Variants in LETM2 observed in about 807,000 individuals in gnomAD.
LETM2 encodes leucine zipper and EF-hand containing transmembrane protein 2, also known as LETM1 domain-containing protein LETM2, mitochondrial.
A neutral mutation model predicts 59.6 loss-of-function variants in LETM2; 58 were observed. The ratio of observed to expected loss-of-function variants is 0.97; its 90% CI spans 0.79 to 1.21. LETM2 has a LOEUF of 1.21. Among genes scored for constraint, LETM2 ranks in the 50% most tolerant of loss-of-function variants. The pLI is 0.00. For missense variants in LETM2, 572 were observed against 575.7 expected, an observed-to-expected ratio of 0.99 and a Z score of 0.07; for synonymous variants, 199 against 214.1, an observed-to-expected ratio of 0.93 and a Z score of 0.62.
At chr8:38,389,075 A>C (rs1037373116) in intron 2 of LETM2, among the ~76,000 whole-genome samples, 2 of 151,092 alleles carry the variant, frequency 1.3e-5, no homozygotes, top group African/African-American at 4.9e-5. Flanking sequence ...CAGAAGATGT[A>C]CTGGTTTTAG....
Position 38,400,420 on chromosome 8 carries a change from T to C in LETM2, c.783+11T>C. The C allele has an allele frequency of 6.4e-7, 1 of 1,558,190 alleles. No homozygotes were observed. The highest frequency in any genetic ancestry group is 8.7e-7 in the Non-Finnish European group (1 of 1,155,266). On this transcript the variant is annotated intron_variant, in intron 5 of 10. Transcript: ENST00000379957. ...TCCTACGTGAAGCAGGTGTCCATCTTTTATGTAATGCCGAACAACTTCGGG... is the reference window on the plus strand; with the variant it reads ...TCCTACGTGAAGCAGGTGTCCATCTCTTATGTAATGCCGAACAACTTCGGG...
rs1189482094 is a variant in LETM2, at chr8:38,386,549, C to G, written c.-54C>G. The G allele has an allele frequency of 1.3e-5, 2 of 152,212 alleles. No individual in the cohort carries two copies. The highest frequency in any genetic ancestry group is 2.9e-5 in the Non-Finnish European group (2 of 68,080). The allele number at this position is 152,212 out of a possible 1,614,324, so 9.4% of individuals were successfully genotyped here. A position where few individuals can be genotyped will look rare whatever the true frequency, so the allele number is the denominator to read the frequency against. On this transcript the variant is annotated 5_prime_UTR_variant, in exon 1 of 11. Transcript: ENST00000379957. ...GCTGGGAGGACCTAGGCGGCCGTTC[C>G]GCGGAGCCCGGCCGAGGAGGTAGGG...
At chr8:38,400,633 G>A (rs1186346839) in intron 5 of LETM2, 1 of 659,560 alleles carries the variant, frequency 1.5e-6, no homozygotes, top group African/African-American at 1.8e-5. Context: ...ATAACTTCTT[G>A]GAGAGAACAG....
chr8:38,397,263 G>A (rs890188189), intron 4 of LETM2: 3 of 399,820 alleles, frequency 7.5e-6, no homozygotes, highest in South Asian at 1.8e-5. Context: ...TGCAACCTCC[G>A]CCTCCCGGAT....
At chr8:38,393,173 T>C in intron 3 of LETM2, 178 bp downstream of exon 3, 3 of 588,964 alleles carry the variant, frequency 5.1e-6, no homozygotes, top group Non-Finnish European at 8.8e-6. Flanking sequence ...TAGTCAGTAT[T>C]CTGAAATTTG....
intron 4 of LETM2, among the ~76,000 whole-genome samples, chr8:38,398,538 T>C (rs1225568104): frequency 6.6e-6 from 1 of 152,156 alleles, no homozygotes; most frequent in Non-Finnish European, 1.5e-5. Flanking sequence ...TGAGGAATTG[T>C]GGGATTATCA....
rs1563403497 is a variant in LETM2, at chr8:38,408,509, C to A, written c.*235C>A. 2.3e-6 allele frequency: 1 copy of A among 433,884 alleles called. No individual in the cohort carries two copies. The highest frequency in any genetic ancestry group is 4.2e-6 in the Non-Finnish European group (1 of 237,182). The allele number at this position is 433,884 out of a possible 1,614,324, so 26.9% of individuals were successfully genotyped here. ...TCCCATTTCCTCTGTACCATTGTCA[C>A]CCCACTCAACTTTGTATAAAGCCCA... On this transcript the variant is annotated 3_prime_UTR_variant, in exon 11 of 11. Coordinates refer to ENST00000379957, the MANE Select transcript of LETM2 (RefSeq NM_001286819.2).
In LETM2 at chr8:38,400,250, CTT is replaced by C. The variant is rs751692770; in HGVS notation, c.646-19_646-18del. On this transcript the variant is annotated intron_variant, in intron 4 of 10. Transcript: ENST00000379957. ...TTTACAATCACGAAGGATTGAGTAA[CTT>C]TTATTCTTCTACCATTAAGGAAGAA... The C allele has an allele frequency of 8.2e-6, 13 of 1,588,716 alleles. No homozygotes were observed. In the South Asian group the frequency reaches 1.3e-4, roughly 15 times the overall value.
At position 38,400,879 on chromosome 8, in the gene LETM2, A is replaced by T. The variant is rs1406933465; in HGVS notation, c.810A>T (p.Thr270=). Reference sequence around the variant, plus strand: ...TCCAGACAGGCCACAAGCCCAGCACAAAGGAGATAGTTCGCTTCTCCAAAC... The same window carrying T: ...TCCAGACAGGCCACAAGCCCAGCACTAAGGAGATAGTTCGCTTCTCCAAAC... The part of the protein sequence containing the change: ...KQVQTGHKPS[T]KEIVRFSKLF... Residue 270 remains threonine, a synonymous_variant, in exon 6 of 11, where the codon ACA becomes ACT. Coordinates refer to ENST00000379957, the MANE Select transcript of LETM2 (RefSeq NM_001286819.2). 6.2e-7 allele frequency: 1 copy of T among 1,614,066 alleles called. No individual in the cohort carries two copies. The highest frequency in any genetic ancestry group is 8.5e-7 in the Non-Finnish European group (1 of 1,180,036).
At chr8:38,402,373 T>G in intron 6 of LETM2, 152 bp from the exon 7 acceptor site, 2 of 722,498 alleles carry the variant, frequency 2.8e-6, no homozygotes, top group Non-Finnish European at 4.6e-6. Flanking sequence ...TTATTTCAAC[T>G]GCCACCTCCC....
chr8:38,383,641 T>C (rs1471892738), upstream of LETM2, among the ~76,000 whole-genome samples: 1 of 152,024 alleles, frequency 6.6e-6, no homozygotes, highest in African/African-American at 2.4e-5. Flanking sequence ...CTGAGAATTA[T>C]CAGTATTGGC....
chr8:38,405,757 G>T (rs967038590), intron 8 of LETM2, among the ~76,000 whole-genome samples: 1 of 152,172 alleles, frequency 6.6e-6, no homozygotes, highest in Non-Finnish European at 1.5e-5. Context: ...TTCTTAGATT[G>T]CTGTCAGGGG....
intron 5 of LETM2, 70 bp downstream of exon 5, chr8:38,400,479 G>A: frequency 7.0e-7 from 1 of 1,425,630 alleles, no homozygotes; most frequent in Non-Finnish European, 9.4e-7. Flanking sequence ...ATGTCATCAT[G>A]GATTTCCCAA....
chr8:38,389,383 A>AT (rs1236523282), intron 2 of LETM2, among the ~76,000 whole-genome samples: 2 of 150,832 alleles, frequency 1.3e-5, no homozygotes, highest in African/African-American at 4.9e-5. Context: ...TGCCCAGCTA[A>AT]TTTTTTTGTA....
rs905925979 is a variant in LETM2, at chr8:38,409,105, T to C, written c.*831T>C. On this transcript the variant is annotated 3_prime_UTR_variant, in exon 11 of 11. Transcript: ENST00000379957. Reference sequence around the variant, plus strand: ...CCCTGTGCTACCCAGCAACAAGTATTACATTAGGATATTTATGCTTGGTGT... The same window carrying C: ...CCCTGTGCTACCCAGCAACAAGTATCACATTAGGATATTTATGCTTGGTGT... 6.6e-6 allele frequency: 1 copy of C among 152,232 alleles called. No homozygotes were observed. The highest frequency in any genetic ancestry group is 1.5e-5 in the Non-Finnish European group (1 of 68,052). The allele number at this position is 152,232 out of a possible 1,614,324, so 9.4% of individuals were successfully genotyped here. A position where few individuals can be genotyped will look rare whatever the true frequency, so the allele number is the denominator to read the frequency against.
At chr8:38,385,391 GA>G (rs1048030232), upstream of LETM2, among the ~76,000 whole-genome samples, 10 of 151,022 alleles carry the variant, frequency 6.6e-5, no homozygotes, top group African/African-American at 1.7e-4. Context: ...GAGCCACTAA[GA>G]AAAAAAAAAT....
chr8:38,382,536 C>T (rs904394955), upstream of LETM2: 1 of 153,002 alleles, frequency 6.5e-6, no homozygotes, highest in Non-Finnish European at 1.5e-5. This position sits in a 1 kb window ranked among gnomAD's most constrained non-coding sequence, Gnocchi z 4.2. Flanking sequence ...ACACACAAAA[C>T]ACCCCGGGAA....
chr8:38,409,512 T>C lies in LETM2; in HGVS notation c.*1238T>C, dbSNP rs1428872136. On this transcript the variant is annotated 3_prime_UTR_variant, in exon 11 of 11. Transcript: ENST00000379957. ...CCTATCGAGGTGATTCACAATACAC[T>C]TTCCCATTTCAAAAATGACGGGTAT... The C allele has an allele frequency of 6.6e-6, 1 of 152,248 alleles. No individual in the cohort carries two copies. The highest frequency in any genetic ancestry group is 2.4e-5 in the African/African-American group (1 of 41,464). The allele number at this position is 152,248 out of a possible 1,614,324, so 9.4% of individuals were successfully genotyped here. A position where few individuals can be genotyped will look rare whatever the true frequency, so the allele number is the denominator to read the frequency against.
chr8:38,407,838 A>G (rs1813856846), intron 10 of LETM2, among the ~76,000 whole-genome samples: 1 of 152,218 alleles, frequency 6.6e-6, no homozygotes. Flanking sequence ...TAAATAAGAA[A>G]CTACTTATCT....
Sources: allele counts gnomAD v4.1 joint callset (sites outside exome capture counted in the v4.1 genomes callset), GRCh38; gene constraint gnomAD v4.1.1; non-coding constraint Gnocchi (gnomAD v3.1); transcripts MANE v1.5; gene names NCBI Gene and HGNC (gene_info 2026-07-23, HGNC 2026-07-21).